The following LYST variants were observed in gnomAD, a reference collection of about 807,000 sequenced individuals.
The protein encoded by LYST is lysosomal trafficking regulator.
A neutral mutation model predicts 413.6 loss-of-function variants in LYST; 192 were observed. The observed-to-expected ratio is 0.46, with a 90% CI of 0.41 to 0.52. The LOEUF (loss-of-function observed/expected upper bound fraction) is 0.52, where lower values mean the gene tolerates loss of function less well. Ranked by LOEUF, LYST falls within the 20% of genes least tolerant of loss-of-function variation. The pLI is 0.00. For missense variants in LYST, 3,815 were observed against 4,499.9 expected (o/e 0.85, Z 4.35); for synonymous variants, 1,525 against 1,567.3 (o/e 0.97, Z 0.64).
chr1:235,672,926 C>G (rs569975204), intron 50 of LYST, among the ~76,000 whole-genome samples: 1 of 152,300 alleles, frequency 6.6e-6, no homozygotes, highest in African/African-American at 2.4e-5. Context: ...CTCACTCCCT[C>G]AAGACTCAAA....
chr1:235,737,804 A>G lies in LYST; in HGVS notation c.8359-3145T>C, dbSNP rs971483463. On this transcript the variant is annotated intron_variant, in intron 31 of 52. Coordinates refer to ENST00000389793, the MANE Select transcript of LYST (RefSeq NM_000081.4). ...ACAAGAATTAGAGGCTACTAGGGGCATGAATTCATCATTCCAAAAATTAAT... is the reference window on the plus strand; with the variant it reads ...ACAAGAATTAGAGGCTACTAGGGGCGTGAATTCATCATTCCAAAAATTAAT... 9.6e-6 allele frequency: 6 copies of G among 625,254 alleles called. No homozygotes were observed. In the Admixed American group the frequency reaches 3.4e-4, roughly 35 times the overall value. The allele number at this position is 625,254 out of a possible 1,614,324, so 38.7% of individuals were successfully genotyped here.
At chr1:235,878,903 A>T (rs996783596) in intron 1 of LYST, among the ~76,000 whole-genome samples, 2 of 151,962 alleles carry the variant, frequency 1.3e-5, no homozygotes, top group African/African-American at 4.8e-5. Flanking sequence ...TTTTTTACAG[A>T]TTTAGGGGTG....
chr1:235,818,841 C>T (rs1674446061), intron 3 of LYST, among the ~76,000 whole-genome samples: 1 of 152,186 alleles, frequency 6.6e-6, no homozygotes, highest in Non-Finnish European at 1.5e-5. Flanking sequence ...GCTGCGTAAA[C>T]AGGCATTCCT....
intron 34 of LYST, among the ~76,000 whole-genome samples, chr1:235,732,358 A>C (rs924811174): frequency 3.3e-5 from 5 of 152,036 alleles, no homozygotes; most frequent in African/African-American, 1.2e-4. Context: ...GCCAGAGTGC[A>C]GTGGCATGTT....
intron 50 of LYST, among the ~76,000 whole-genome samples, chr1:235,665,668 A>G (rs1303068642): frequency 6.6e-6 from 1 of 151,648 alleles, no homozygotes; most frequent in African/African-American, 2.4e-5. Context: ...AAAAAGGTGT[A>G]GTAAAAATTA....
At chr1:235,788,080 T>C (rs138273217) in intron 13 of LYST, among the ~76,000 whole-genome samples, 10 of 152,194 alleles carry the variant, frequency 6.6e-5, no homozygotes, top group African/African-American at 2.2e-4. Context: ...AATATTTCCA[T>C]AGCATAAGAC....
At position 235,753,026 on chromosome 1, in the gene LYST, T is replaced by A. The variant is rs1666657873; in HGVS notation, c.7460+18A>T. The stretch of plus-strand genomic sequence containing the variant: ...AGTATTTATCAGATGTAATTTTAAA[T>A]AATAATTTTAAACTTACTTCTTTTC... On this transcript the variant is annotated intron_variant, in intron 26 of 52. Transcript: ENST00000389793. 1.6e-6 allele frequency: 2 copies of A among 1,267,870 alleles called. No homozygotes were observed. Among genetic ancestry groups the A allele is most frequent in the Middle Eastern group, 2.2e-4 (1 of 4,472 alleles). 78.5% of individuals were successfully genotyped at this position (1,267,870 alleles called of 1,614,324 possible). A position where few individuals can be genotyped will look rare whatever the true frequency, so the allele number is the denominator to read the frequency against.
intron 3 of LYST, among the ~76,000 whole-genome samples, chr1:235,819,938 G>A (rs553793041): frequency 1.6e-4 from 24 of 152,310 alleles, no homozygotes; most frequent in East Asian, 1.4e-3. Flanking sequence ...GAGCCACCGC[G>A]CCCAGCCAAT....
intron 2 of LYST, among the ~76,000 whole-genome samples, chr1:235,832,117 C>T (rs531898860): frequency 2.0e-5 from 3 of 152,238 alleles, no homozygotes; most frequent in Admixed American, 2.0e-4. Context: ...CTTGATCTTA[C>T]CAGATGGTAT....
Position 235,759,460 on chromosome 1 carries a change from C to T in LYST, c.6393G>A (p.Arg2131=). The T allele has an allele frequency of 6.2e-7, 1 of 1,614,044 alleles. No individual in the cohort carries two copies. Among genetic ancestry groups the T allele is most frequent in the Non-Finnish European group, 8.5e-7 (1 of 1,179,978 alleles). Residue 2131 remains arginine (R), a synonymous_variant, in exon 23 of 53, where the codon AGG becomes AGA. Transcript: ENST00000389793. Reference sequence around the variant, plus strand: ...CATAAGTATCTGCAATATTTTGTAACCTGTCGATACTACAACCCAAACTTC... The same window carrying T: ...CATAAGTATCTGCAATATTTTGTAATCTGTCGATACTACAACCCAAACTTC... ...LTGSLGCSID[R]LQNIADTYVA...
intron 46 of LYST, among the ~76,000 whole-genome samples, chr1:235,696,597 C>G (rs1248831700): frequency 6.6e-6 from 1 of 152,218 alleles, no homozygotes; most frequent in African/African-American, 2.4e-5. Context: ...CTCTACTGCA[C>G]AGCACTTTCC....
In LYST at chr1:235,704,010, G is replaced by C. The variant is rs143255816; in HGVS notation, c.10144-1033C>G. 3.2e-3 allele frequency among the ~76,000 whole-genome samples: 493 copies of C among 152,254 alleles called. 3 individuals are homozygous for C. Among genetic ancestry groups the C allele is most frequent in the Middle Eastern group, 0.014 (4 of 294 alleles). ...TTACAAGTGAGAACATGTGGTATTT[G>C]GTTTTCTGTTCCTGCATTAGTTTGC... is the stretch of plus-strand genomic sequence containing the variant. On this transcript the variant is annotated intron_variant, in intron 44 of 52. Coordinates refer to ENST00000389793, the MANE Select transcript of LYST (RefSeq NM_000081.4).
chr1:235,880,194 T>C (rs192011896), intron 1 of LYST, among the ~76,000 whole-genome samples: 1 of 152,352 alleles, frequency 6.6e-6, no homozygotes, highest in Non-Finnish European at 1.5e-5. Context: ...AACATGTTTC[T>C]TTTTGTATTG....
chr1:235,776,753 G>A (rs1669293434), intron 17 of LYST, among the ~76,000 whole-genome samples: 2 of 151,144 alleles, frequency 1.3e-5, no homozygotes, highest in Non-Finnish European at 2.9e-5. Context: ...AACATTTAAG[G>A]AATAAAAACT....
chr1:235,677,022 A>G, intron 50 of LYST, 69 bp downstream of exon 50: 1 of 1,074,682 alleles, frequency 9.3e-7, no homozygotes, highest in Non-Finnish European at 1.5e-6. Flanking sequence ...TCGACCTAGG[A>G]GTAACCACTG....
In LYST at chr1:235,664,348, G is replaced by A; in HGVS notation, c.11195+117C>T. The stretch of plus-strand genomic sequence containing the variant: ...ATAACTAAAGAACCTACACCCCAAG[G>A]TGAGTTTAAATCTCTAAATACTGAA... On this transcript the variant is annotated intron_variant, in intron 51 of 52. Coordinates refer to ENST00000389793, the MANE Select transcript of LYST (RefSeq NM_000081.4). The surrounding 1 kb of genome is among the most constrained non-coding windows in gnomAD (Gnocchi z 4.5). 2.1e-6 allele frequency: 2 copies of A among 941,748 alleles called. No individual in the cohort carries two copies. Among genetic ancestry groups the A allele is most frequent in the Admixed American group, 2.1e-5 (1 of 47,692 alleles). The allele number at this position is 941,748 out of a possible 1,614,324, so 58.3% of individuals were successfully genotyped here.
intron 2 of LYST, among the ~76,000 whole-genome samples, chr1:235,831,192 G>C (rs1287919995): frequency 1.3e-5 from 2 of 152,034 alleles, no homozygotes; most frequent in African/African-American, 2.4e-5. Flanking sequence ...AGTTAAATAA[G>C]ACATGTATTG....
chr1:235,785,832 G>A (rs565628105), intron 14 of LYST, among the ~76,000 whole-genome samples: 21 of 152,150 alleles, frequency 1.4e-4, no homozygotes, highest in Non-Finnish European at 2.2e-4. Context: ...CTTACAAATC[G>A]AAGATACCTT....
At chr1:235,832,202 G>A (rs992213383) in intron 2 of LYST, among the ~76,000 whole-genome samples, 1 of 152,206 alleles carries the variant, frequency 6.6e-6, no homozygotes, top group Non-Finnish European at 1.5e-5. Context: ...ATGCACAGAA[G>A]TCTGCTGAAG....
Sources: allele counts gnomAD v4.1 joint callset (sites outside exome capture counted in the v4.1 genomes callset), GRCh38; gene constraint gnomAD v4.1.1; non-coding constraint Gnocchi (gnomAD v3.1); transcripts MANE v1.5; gene names NCBI Gene and HGNC (gene_info 2026-07-23, HGNC 2026-07-21).